DGKI: variants seen among roughly 807,000 people sequenced by gnomAD.
DGKI encodes the protein diacylglycerol kinase iota, also known as DAG kinase iota.
DGKI carries 55 observed loss-of-function variants against 147.5 expected under a neutral mutation model. The ratio of observed to expected loss-of-function variants is 0.37; its 90% CI spans 0.30 to 0.47. DGKI has a LOEUF of 0.47. DGKI is among the 20% of genes least tolerant of loss of function. The probability of loss-of-function intolerance (pLI) is 1.00; values close to 1 mark genes in which losing one functional copy is unlikely to be tolerated. For synonymous variants in DGKI, 469 were observed against 477.1 expected, an observed-to-expected ratio of 0.98 and a Z score of 0.22; for missense variants, 1,007 against 1,323.8, an observed-to-expected ratio of 0.76 and a Z score of 3.71.
At chr7:137,414,432 T>C (rs1282260442) in intron 28 of DGKI, among the ~76,000 whole-genome samples, 3 of 151,854 alleles carry the variant, frequency 2.0e-5, no homozygotes, top group African/African-American at 7.3e-5. Context: ...TTGCACATTG[T>C]AGGTGCACAC....
chr7:137,656,378 A>C (rs76761213), intron 4 of DGKI, 88 bp downstream of exon 4: 1 of 1,416,378 alleles, frequency 7.1e-7, no homozygotes, highest in Non-Finnish European at 9.9e-7. Flanking sequence ...CATTGTTTTC[A>C]AAAAGTTGGA....
At position 137,638,462 on chromosome 7, in the gene DGKI, G is replaced by GTATATATA. The variant is rs1346537188; in HGVS notation, c.804+7009_804+7010insTATATATA. ...TATATATACACACACACATATATATGTGTGTATATATGTGTGTATATATAT... is the reference window on the plus strand; with the variant it reads ...TATATATACACACACACATATATATGTATATATATGTGTATATATGTGTGTATATATAT... On this transcript the variant is annotated intron_variant, in intron 6 of 32. Transcript: ENST00000614521. 3.2e-3 allele frequency among the ~76,000 whole-genome samples: 64 copies of GTATATATA among 19,736 alleles called. 1 individual carries two copies. Among genetic ancestry groups the GTATATATA allele is most frequent in the African/African-American group, 9.1e-3 (62 of 6,836 alleles). The allele number at this position is 19,736 out of a possible 152,430, so 12.9% of individuals were successfully genotyped here.
intron 3 of DGKI, among the ~76,000 whole-genome samples, chr7:137,664,150 G>T (rs2116310845): frequency 6.6e-6 from 1 of 152,252 alleles, no homozygotes; most frequent in South Asian, 2.1e-4. Flanking sequence ...ACCGAGGCAG[G>T]AAGATTACAT....
chr7:137,716,418 C>T (rs1160717578), intron 1 of DGKI, among the ~76,000 whole-genome samples: 1 of 152,202 alleles, frequency 6.6e-6, no homozygotes, highest in Non-Finnish European at 1.5e-5. Context: ...AATTCTATTG[C>T]TGTAACAACC....
At chr7:137,541,275 A>G (rs543801453) in intron 20 of DGKI, among the ~76,000 whole-genome samples, 1 of 152,290 alleles carries the variant, frequency 6.6e-6, no homozygotes, top group South Asian at 2.1e-4. Flanking sequence ...GTGTGTGTGT[A>G]TAATCAGTTC....
chr7:137,416,856 C>G (rs1369044134), intron 28 of DGKI, among the ~76,000 whole-genome samples: 1 of 152,106 alleles, frequency 6.6e-6, no homozygotes, highest in African/African-American at 2.4e-5. Flanking sequence ...GAATCATAAC[C>G]ACGAGTAGTT....
intron 12 of DGKI, among the ~76,000 whole-genome samples, chr7:137,597,267 G>A (rs1312763663): frequency 6.6e-6 from 1 of 152,086 alleles, no homozygotes; most frequent in Admixed American, 6.5e-5. Context: ...ACATAGAAAT[G>A]ATAGCCTAGG....
chr7:137,577,882 G>A lies in DGKI; in HGVS notation c.1698+388C>T, dbSNP rs187299583. The stretch of plus-strand genomic sequence containing the variant: ...TATTCTGCCAGTTTCTAATCCAAAC[G>A]TCAATGTGCGCACCCTGGTGAAAAC... On this transcript the variant is annotated intron_variant, in intron 16 of 32. Coordinates refer to ENST00000614521, the MANE Select transcript of DGKI (RefSeq NM_001321708.2). Among the ~76,000 whole-genome samples the A allele has an allele frequency of 9.9e-5, 15 of 152,228 alleles. No homozygotes were observed. The East Asian group carries it at 1.7e-3, about 18-fold the overall frequency.
intron 1 of DGKI, among the ~76,000 whole-genome samples, chr7:137,770,073 C>T (rs936998828): frequency 3.3e-5 from 5 of 152,164 alleles, no homozygotes; most frequent in Admixed American, 3.3e-4. Context: ...AGAACCTACC[C>T]AAATGCCCAT....
chr7:137,566,415 T>C lies in DGKI; in HGVS notation c.1947+4760A>G, dbSNP rs183201103. Among the ~76,000 whole-genome samples the C allele has an allele frequency of 3.9e-5, 6 of 152,238 alleles. No homozygotes were observed. In the East Asian group the frequency reaches 1.2e-3, roughly 29 times the overall value. ...GCTATATGAGTAGCAAGTAGTAAGA[T>C]AAAATGTGTCTAAAAAGAGAGAAAT... On this transcript the variant is annotated intron_variant, in intron 19 of 32. Coordinates refer to ENST00000614521, the MANE Select transcript of DGKI (RefSeq NM_001321708.2).
At chr7:137,561,885 C>G (rs1175045698) in intron 19 of DGKI, among the ~76,000 whole-genome samples, 2 of 152,108 alleles carry the variant, frequency 1.3e-5, no homozygotes, top group Admixed American at 1.3e-4. Flanking sequence ...CGAACAAAAA[C>G]AAACCTGTCA....
intron 28 of DGKI, among the ~76,000 whole-genome samples, chr7:137,430,243 T>C (rs998503226): frequency 1.1e-4 from 17 of 151,914 alleles, no homozygotes; most frequent in East Asian, 3.9e-4. Flanking sequence ...GATAAGTTCA[T>C]GTCCTTTGTA....
At chr7:137,733,823 C>T (rs779077166) in intron 1 of DGKI, among the ~76,000 whole-genome samples, 39 of 151,984 alleles carry the variant, frequency 2.6e-4, no homozygotes, top group Non-Finnish European at 3.5e-4. Flanking sequence ...AAAGGGTGGC[C>T]TCTGAGCAAT....
At chr7:137,489,010 A>G (rs1056886948) in intron 21 of DGKI, among the ~76,000 whole-genome samples, 1 of 152,134 alleles carries the variant, frequency 6.6e-6, no homozygotes, top group African/African-American at 2.4e-5. Context: ...AGAGAAAAAG[A>G]AATAGAGTTT....
At chr7:137,793,733 T>G (rs550438120) in intron 1 of DGKI, among the ~76,000 whole-genome samples, 1 of 152,346 alleles carries the variant, frequency 6.6e-6, no homozygotes, top group Admixed American at 6.5e-5. Flanking sequence ...CTTAATGTGA[T>G]TCCTACAATA....
intron 19 of DGKI, among the ~76,000 whole-genome samples, chr7:137,553,100 A>G (rs1818107172): frequency 6.6e-6 from 1 of 152,224 alleles, no homozygotes; most frequent in African/African-American, 2.4e-5. Flanking sequence ...ATTCCTATTA[A>G]CTATCACTTT....
rs1256826433 is a variant in DGKI at position 137,381,611 on chromosome 7, T to C, written c.*9609A>G. 6.6e-6 allele frequency: 1 copy of C among 151,948 alleles called. No individual in the cohort carries two copies. Among genetic ancestry groups the C allele is most frequent in the Non-Finnish European group, 1.5e-5 (1 of 67,980 alleles). The allele number at this position is 151,948 out of a possible 1,614,324, so 9.4% of individuals were successfully genotyped here. On this transcript the variant is annotated 3_prime_UTR_variant, in exon 33 of 33. Transcript: ENST00000614521. Reference sequence around the variant, plus strand: ...ATTAAATCAAATATATTCATTCTTTTAGAACTGAGATTGTCCTCTATTCCT... The same window carrying C: ...ATTAAATCAAATATATTCATTCTTTCAGAACTGAGATTGTCCTCTATTCCT...
chr7:137,634,936 G>A (rs1461921176), intron 6 of DGKI, among the ~76,000 whole-genome samples: 1 of 152,172 alleles, frequency 6.6e-6, no homozygotes, highest in Non-Finnish European at 1.5e-5. Flanking sequence ...GCTTGACATA[G>A]AATATATAAT....
At chr7:137,482,623 T>C (rs1246092975) in intron 23 of DGKI, among the ~76,000 whole-genome samples, 4 of 151,998 alleles carry the variant, frequency 2.6e-5, no homozygotes, top group African/African-American at 4.8e-5. Context: ...CTCCAACTCA[T>C]TCCTCCTTTG....
Sources: gnomAD v4.1 joint callset for allele counts (sites outside exome capture counted in the v4.1 genomes callset) on GRCh38, gnomAD v4.1.1 for gene constraint, MANE v1.5 for transcripts, NCBI Gene and HGNC (gene_info 2026-07-23, HGNC 2026-07-21) for gene names.